PDGFRA: variants seen among roughly 807,000 people sequenced by gnomAD.
PDGFRA encodes platelet derived growth factor receptor alpha, also known as platelet-derived growth factor receptor alpha.
A neutral mutation model predicts 121.5 loss-of-function variants in PDGFRA; 25 were observed. The ratio of observed to expected loss-of-function variants is 0.21; its 90% CI spans 0.15 to 0.29. The LOEUF (loss-of-function observed/expected upper bound fraction) is 0.29. PDGFRA is among the 10% of genes least tolerant of loss of function. PDGFRA has a pLI of 1.00. For synonymous variants in PDGFRA, 463 were observed against 494.8 expected, an observed-to-expected ratio of 0.94 and a Z score of 0.85; for missense variants, 1,008 against 1,345.1, an observed-to-expected ratio of 0.75 and a Z score of 3.92.
chr4:54,261,924 TA>T (rs1328899628), intron 3 of PDGFRA, among the ~76,000 whole-genome samples: 8,768 of 75,340 alleles, frequency 0.12, 365 homozygotes, highest in Non-Finnish European at 0.12. Context: ...TATATATATA[TA>T]TATATATTTT....
At chr4:54,270,600 C>T (rs1195232600) in intron 7 of PDGFRA, 33 bp from the exon 8 acceptor site, 4 of 1,153,814 alleles carry the variant, frequency 3.5e-6, no homozygotes, top group South Asian at 1.2e-5. Context: ...TACTTAGCTA[C>T]TGCTTGTTGA....
intron 10 of PDGFRA, 65 bp downstream of exon 10, chr4:54,273,795 A>C: frequency 1.5e-6 from 2 of 1,342,944 alleles, no homozygotes; most frequent in South Asian, 2.4e-5. Context: ...CGGAACTTTG[A>C]ATCCCAGATA....
intron 15 of PDGFRA, chr4:54,279,109 C>A: frequency 3.4e-6 from 1 of 294,072 alleles, no homozygotes; most frequent in Non-Finnish European, 6.9e-6. Context: ...GCTCAAGTTC[C>A]AACCAAGGCT....
chr4:54,251,645 A>G (rs1247559962), intron 1 of PDGFRA, among the ~76,000 whole-genome samples: 3 of 152,178 alleles, frequency 2.0e-5, no homozygotes, highest in Non-Finnish European at 4.4e-5. Context: ...TTCTTTGTCT[A>G]TGCAGTCTCT....
chr4:54,293,563 T>G (rs1424811750), intron 22 of PDGFRA, among the ~76,000 whole-genome samples: 1 of 151,740 alleles, frequency 6.6e-6, no homozygotes. Context: ...CCTGAGTAGC[T>G]GGGATTACAG....
At chr4:54,250,483 A>T (rs1721992789) in intron 1 of PDGFRA, among the ~76,000 whole-genome samples, 1 of 152,220 alleles carries the variant, frequency 6.6e-6, no homozygotes, top group Non-Finnish European at 1.5e-5. Flanking sequence ...TTTGGACTAT[A>T]CTTATATAAA....
At chr4:54,273,258 G>C (rs140670941) in intron 9 of PDGFRA, among the ~76,000 whole-genome samples, 1 of 152,272 alleles carries the variant, frequency 6.6e-6, no homozygotes, top group East Asian at 1.9e-4. Flanking sequence ...TTGCTCATAG[G>C]TTCAAGATTG....
Position 54,278,409 on chromosome 4 carries a change from A to C in PDGFRA, c.2050A>C (p.Asn684His). The change falls in exon 15 of 23, where the codon AAC becomes CAC. Residue 684 changes from asparagine to histidine, a missense_variant. Asn to His is a moderately conservative substitution (Grantham distance 68). Transcript: ENST00000257290. ...TEYCFYGDLV[N>H]YLHKNRDSFL... ...GTATTGCTTCTATGGAGATTTGGTC[A>C]ACTATTTGCATAAGAATAGGGATAG... is the stretch of plus-strand genomic sequence containing the variant. 6.2e-7 allele frequency: 1 copy of C among 1,613,864 alleles called. No homozygotes were observed. Among genetic ancestry groups the C allele is most frequent in the Non-Finnish European group, 8.5e-7 (1 of 1,179,808 alleles).
chr4:54,248,278 AC>A (rs1189029612), intron 1 of PDGFRA, among the ~76,000 whole-genome samples: 1 of 152,244 alleles, frequency 6.6e-6, no homozygotes, highest in African/African-American at 2.4e-5. Context: ...AGCCAAAAGA[AC>A]AAAGCTGGAG....
chr4:54,283,392 A>G (rs1724168646), intron 16 of PDGFRA, among the ~76,000 whole-genome samples: 2 of 152,244 alleles, frequency 1.3e-5, no homozygotes, highest in South Asian at 4.1e-4. Flanking sequence ...GGCTGTCACA[A>G]GCTGAAGCAG....
At position 54,287,507 on chromosome 4, in the gene PDGFRA, T is replaced by C; in HGVS notation, c.2640T>C (p.Ser880=). 6.5e-7 allele frequency: 1 copy of C among 1,534,450 alleles called. No homozygotes were observed. The highest frequency in any genetic ancestry group is 9.0e-7 in the Non-Finnish European group (1 of 1,107,448). The change falls in exon 19 of 23, where the codon TCT becomes TCC. Residue 880 remains serine (S), a synonymous_variant. Transcript: ENST00000257290. ...NLYTTLSDVW[S]YGILLWEIFS... is the part of the protein sequence containing the mutation. ...ACACCACACTGAGTGATGTCTGGTC[T>C]TATGGCATTCTGCTCTGGGAGATCT...
At chr4:54,243,476 T>C (rs913336292) in intron 1 of PDGFRA, 1 of 152,166 alleles carries the variant, frequency 6.6e-6, no homozygotes, top group Non-Finnish European at 1.5e-5. Context: ...TTAAGTTTGA[T>C]AGGAGAAAGC....
At chr4:54,250,542 G>A (rs1449855903) in intron 1 of PDGFRA, among the ~76,000 whole-genome samples, 1 of 152,160 alleles carries the variant, frequency 6.6e-6, no homozygotes, top group South Asian at 2.1e-4. Flanking sequence ...CTATAATTCT[G>A]ATATGACTTA....
chr4:54,258,068 C>A (rs968385739), intron 1 of PDGFRA, among the ~76,000 whole-genome samples: 2 of 152,152 alleles, frequency 1.3e-5, no homozygotes, highest in African/African-American at 4.8e-5. Context: ...ATCCCTCCTA[C>A]CCCCTGCACA....
intron 5 of PDGFRA, among the ~76,000 whole-genome samples, chr4:54,266,336 G>T (rs534320172): frequency 1.3e-5 from 2 of 151,916 alleles, no homozygotes; most frequent in African/African-American, 4.8e-5. Flanking sequence ...ACTTCCCAGA[G>T]CATCACTGTT....
At chr4:54,241,619 G>A (rs750675976) in intron 1 of PDGFRA, among the ~76,000 whole-genome samples, 1 of 151,926 alleles carries the variant, frequency 6.6e-6, no homozygotes, top group Non-Finnish European at 1.5e-5. Flanking sequence ...TCATGATCTT[G>A]GTTCACTGCA....
intron 12 of PDGFRA, chr4:54,276,823 C>T (rs1470314466): frequency 6.2e-6 from 1 of 160,276 alleles, no homozygotes; most frequent in East Asian, 1.8e-4. Flanking sequence ...TTACGTATGT[C>T]TCCTCCCAAC....
intron 3 of PDGFRA, among the ~76,000 whole-genome samples, chr4:54,261,931 A>ATATATATATT (rs57094735): frequency 1.9e-4 from 11 of 58,422 alleles, no homozygotes; most frequent in African/African-American, 4.7e-4. Context: ...ATATATATAT[A>ATATATATATT]TTTTTTTTTT....
In PDGFRA at chr4:54,267,372, G is replaced by C. The variant is rs775953848; in HGVS notation, c.843G>C (p.Thr281=). Residue 281 remains threonine (T), a synonymous_variant, in exon 6 of 23, where the codon ACG becomes ACC. Transcript: ENST00000257290. ...ACACTTTGACGGTCCCCGAGGCCAC[G>C]GTGAAAGACAGTGGAGATTACGAAT... ...LVYTLTVPEA[T]VKDSGDYECA... 3.1e-6 allele frequency: 5 copies of C among 1,613,946 alleles called. No homozygotes were observed. In the South Asian group the frequency reaches 5.5e-5, roughly 18 times the overall value.
Sources: gnomAD v4.1 joint callset for allele counts (sites outside exome capture counted in the v4.1 genomes callset) on GRCh38, gnomAD v4.1.1 for gene constraint, MANE v1.5 for transcripts, NCBI Gene and HGNC (gene_info 2026-07-23, HGNC 2026-07-21) for gene names.